The following RBFOX1 variants were observed in gnomAD, a reference collection of about 807,000 sequenced individuals.
RBFOX1 encodes the protein RNA binding protein fox-1 homolog 1.
Under a neutral mutation model 57.7 loss-of-function variants are expected in RBFOX1, and 8 were observed. That is an observed-to-expected ratio of 0.14 (90% CI 0.08 to 0.25). The LOEUF (loss-of-function observed/expected upper bound fraction) is 0.25, where lower values mean the gene tolerates loss of function less well. Ranked by LOEUF, RBFOX1 falls within the 10% of genes least tolerant of loss-of-function variation. The probability of loss-of-function intolerance (pLI) is 1.00; values close to 1 mark genes in which losing one functional copy is unlikely to be tolerated. For synonymous variants in RBFOX1, 326 were observed against 222.4 expected, an observed-to-expected ratio of 1.47 and a Z score of -4.15; for missense variants, 611 against 548.5, an observed-to-expected ratio of 1.11 and a Z score of -1.14.
intron 3 of RBFOX1, among the ~76,000 whole-genome samples, chr16:6,903,210 G>A (rs1028403573): frequency 2.6e-5 from 4 of 152,156 alleles, no homozygotes; most frequent in African/African-American, 9.6e-5. Context: ...GGGGGCTAGA[G>A]AGCTCATGCA....
chr16:7,609,715 C>T (rs114871240), intron 10 of RBFOX1, among the ~76,000 whole-genome samples: 123 of 152,294 alleles, frequency 8.1e-4, no homozygotes, highest in African/African-American at 2.8e-3. Flanking sequence ...TCTGAGATTT[C>T]AGCTGGTCAG....
At chr16:5,499,876 C>G (rs753176479) in intron 2 of RBFOX1, among the ~76,000 whole-genome samples, 2 of 152,028 alleles carry the variant, frequency 1.3e-5, no homozygotes, top group Non-Finnish European at 2.9e-5. Context: ...CCCGGCCAAG[C>G]CCAGGTTTTT....
chr16:6,583,631 C>G (rs1280003145), intron 2 of RBFOX1, among the ~76,000 whole-genome samples: 2 of 152,192 alleles, frequency 1.3e-5, no homozygotes, highest in African/African-American at 4.8e-5. Context: ...GTTCTTTGCT[C>G]TCTGGCTGGT....
rs143480555 is a variant in RBFOX1, at chr16:5,396,154, A to G, written c.220-71062A>G. Among the ~76,000 whole-genome samples, 197 of 152,330 alleles carry G rather than the reference A, an allele frequency of 1.3e-3. 1 individual carries two copies. Among genetic ancestry groups the G allele is most frequent in the African/African-American group, 4.6e-3 (192 of 41,570 alleles). On this transcript the variant is annotated intron_variant, in intron 1 of 2. Coordinates refer to the RBFOX1 transcript ENST00000585867. The stretch of plus-strand genomic sequence containing the variant: ...ATGTAGCAAATCAGTAACTAACTCA[A>G]TGGGCATATTAATACTTATGCTAAA...
intron 3 of RBFOX1, among the ~76,000 whole-genome samples, chr16:6,895,735 C>T (rs898758759): frequency 1.1e-4 from 16 of 151,898 alleles, no homozygotes; most frequent in Non-Finnish European, 2.2e-4. Flanking sequence ...CAAAAGTGGA[C>T]TACATCTCAA....
intron 3 of RBFOX1, among the ~76,000 whole-genome samples, chr16:6,942,940 G>A (rs1048509606): frequency 6.6e-6 from 1 of 152,122 alleles, no homozygotes; most frequent in Non-Finnish European, 1.5e-5. Context: ...TTGGAGATTC[G>A]ACATCACCAT....
intron 3 of RBFOX1, among the ~76,000 whole-genome samples, chr16:5,650,630 T>A (rs886785977): frequency 2.0e-5 from 3 of 152,180 alleles, no homozygotes; most frequent in Non-Finnish European, 4.4e-5. Flanking sequence ...GCTGCTTAGA[T>A]AAACACCAGA....
intron 3 of RBFOX1, among the ~76,000 whole-genome samples, chr16:6,686,272 C>T (rs542255213): frequency 6.6e-6 from 1 of 152,262 alleles, no homozygotes; most frequent in South Asian, 2.1e-4. Flanking sequence ...CCATTCATAG[C>T]AATCGAAGGC....
chr16:6,626,950 C>G (rs536460240), intron 2 of RBFOX1, among the ~76,000 whole-genome samples: 3 of 152,190 alleles, frequency 2.0e-5, no homozygotes, highest in East Asian at 1.9e-4. Context: ...AGCCTAAATA[C>G]AAACTATTAT....
intron 3 of RBFOX1, among the ~76,000 whole-genome samples, chr16:5,856,232 T>TAC (rs2057046453): frequency 3.6e-5 from 2 of 56,328 alleles, no homozygotes; most frequent in African/African-American, 1.2e-4. Flanking sequence ...TATATATGTA[T>TAC]ATATATGTGT....
chr16:5,711,523 G>A (rs529068831), intron 3 of RBFOX1, among the ~76,000 whole-genome samples: 48 of 152,182 alleles, frequency 3.2e-4, no homozygotes, highest in Non-Finnish European at 5.9e-4. Context: ...AAAGCAGGAG[G>A]AGGAAGAGGT....
At chr16:6,625,424 A>T (rs895666436) in intron 2 of RBFOX1, among the ~76,000 whole-genome samples, 1 of 152,200 alleles carries the variant, frequency 6.6e-6, no homozygotes, top group Non-Finnish European at 1.5e-5. Context: ...GTGTCAAGTA[A>T]AAATCGTCTT....
chr16:5,819,838 TGATGGATAAATGAGGA>T (rs2055781647), intron 3 of RBFOX1, among the ~76,000 whole-genome samples: 1 of 152,196 alleles, frequency 6.6e-6, no homozygotes, highest in Admixed American at 6.5e-5. Context: ...GCCCCAGAAA[TGATGGATAAATGAGGA>T]GCTAGCTTTG....
intron 1 of RBFOX1, chr16:5,289,364 T>A (rs889095651): frequency 1.0e-5 from 4 of 399,998 alleles, no homozygotes; most frequent in African/African-American, 4.1e-5. Context: ...GGAGGGCCCA[T>A]CATTGGCATC....
intron 1 of RBFOX1, among the ~76,000 whole-genome samples, chr16:5,355,625 C>T (rs746957425): frequency 6.6e-6 from 1 of 152,130 alleles, no homozygotes; most frequent in African/African-American, 2.4e-5. Flanking sequence ...TTAGAAGGGG[C>T]CTGTAGTGGG....
intron 2 of RBFOX1, among the ~76,000 whole-genome samples, chr16:6,631,989 G>A (rs1005911651): frequency 6.6e-6 from 1 of 152,130 alleles, no homozygotes; most frequent in East Asian, 1.9e-4. Flanking sequence ...TGGAAGGAGA[G>A]GCCATTAGGG....
chr16:5,436,023 G>A (rs150355938), intron 1 of RBFOX1, among the ~76,000 whole-genome samples: 1 of 152,324 alleles, frequency 6.6e-6, no homozygotes, highest in Non-Finnish European at 1.5e-5. Flanking sequence ...GGATTTTAAA[G>A]ATTGAAGTCT....
At chr16:6,217,153 T>C (rs2097340857) in intron 1 of RBFOX1, among the ~76,000 whole-genome samples, 2 of 150,130 alleles carry the variant, frequency 1.3e-5, no homozygotes, top group South Asian at 4.2e-4. Context: ...GGTAGCCTCG[T>C]GTCTATTCAT....
chr16:6,396,148 A>G (rs188580579), intron 2 of RBFOX1, among the ~76,000 whole-genome samples: 58 of 151,764 alleles, frequency 3.8e-4, no homozygotes, highest in Admixed American at 1.3e-3. Context: ...GAGTAATCCT[A>G]TCATAGATAG....
Sources: allele counts gnomAD v4.1 joint callset (sites outside exome capture counted in the v4.1 genomes callset), GRCh38; gene constraint gnomAD v4.1.1; transcripts MANE v1.5; gene names NCBI Gene and HGNC (gene_info 2026-07-23, HGNC 2026-07-21).